The following NUP214 variants were observed in gnomAD, a reference collection of about 807,000 sequenced individuals.
NUP214 encodes the protein nucleoporin 214.
NUP214 carries 79 observed loss-of-function variants against 196.2 expected under a neutral mutation model. That is an observed-to-expected ratio of 0.40 (90% CI 0.34 to 0.49). The LOEUF is 0.49. NUP214 is among the 20% of genes least tolerant of loss of function. The pLI is 0.58. For missense variants in NUP214, 2,468 were observed against 2,539.0 expected (o/e 0.97, Z 0.60); for synonymous variants, 1,020 against 990.5 (o/e 1.03, Z -0.56).
chr9:131,126,893 AC>A (rs1249020961), intron 1 of NUP214: 1 of 152,198 alleles, frequency 6.6e-6, no homozygotes, highest in Non-Finnish European at 1.5e-5. Flanking sequence ...GTGGTGAGCC[AC>A]CTAATGGGGT....
At chr9:131,218,283 G>A (rs943391337) in intron 31 of NUP214, among the ~76,000 whole-genome samples, 1 of 152,192 alleles carries the variant, frequency 6.6e-6, no homozygotes, top group Admixed American at 6.5e-5. Context: ...GACAGGAATT[G>A]TTTTAACTCT....
chr9:131,230,783 A>G lies in NUP214; in HGVS notation c.6214+14A>G, dbSNP rs970677786. On this transcript the variant is annotated intron_variant, in intron 34 of 35. Transcript: ENST00000359428. ...CAGGCACAGGAGGTAAGCTGCCACAAGTTCTCCCCTCACAAGCAAAATGGG... is the reference window on the plus strand; with the variant it reads ...CAGGCACAGGAGGTAAGCTGCCACAGGTTCTCCCCTCACAAGCAAAATGGG... 7 of 1,610,572 alleles carry G rather than the reference A, an allele frequency of 4.3e-6. No homozygotes were observed. The Admixed American group carries it at 6.7e-5, about 15-fold the overall frequency.
chr9:131,162,980 G>A lies in NUP214; in HGVS notation c.2541-11G>A, dbSNP rs201758493. 6.2e-7 allele frequency: 1 copy of A among 1,613,282 alleles called. No individual in the cohort carries two copies. The highest frequency in any genetic ancestry group is 2.2e-5 in the East Asian group (1 of 44,836). ...ATTCATGTTTAATTCTTTTCTCATT[G>A]TTGTCAACAGGCACCTGCTTGTGCC... On this transcript the variant is annotated splice_polypyrimidine_tract_variant and intron_variant, in intron 18 of 35. Transcript: ENST00000359428.
chr9:131,179,144 C>T (rs1452745617), intron 24 of NUP214, among the ~76,000 whole-genome samples: 1 of 152,064 alleles, frequency 6.6e-6, no homozygotes, highest in Non-Finnish European at 1.5e-5. Flanking sequence ...GGACTACAGG[C>T]ACATGACACC....
chr9:131,184,013 CTT>C (rs1173322613), intron 24 of NUP214, among the ~76,000 whole-genome samples: 17 of 132,890 alleles, frequency 1.3e-4, no homozygotes, highest in African/African-American at 4.7e-4. Context: ...TTTTCTTTTT[CTT>C]TTTTCTTTTT....
intron 24 of NUP214, 95 bp downstream of exon 24, chr9:131,178,505 G>C: frequency 1.2e-6 from 1 of 864,154 alleles, no homozygotes; most frequent in Non-Finnish European, 1.9e-6. Flanking sequence ...TCACAGTCTG[G>C]TTTTCCTGCA....
intron 30 of NUP214, among the ~76,000 whole-genome samples, chr9:131,213,812 A>AAG (rs1554741021): frequency 1.3e-5 from 2 of 150,328 alleles, no homozygotes; most frequent in African/African-American, 4.9e-5. Flanking sequence ...GGGGAAAAAA[A>AAG]AGAGACTAGG....
chr9:131,159,716 G>A (rs1028159489), intron 18 of NUP214, among the ~76,000 whole-genome samples: 2 of 152,062 alleles, frequency 1.3e-5, no homozygotes, highest in South Asian at 2.1e-4. Context: ...AATTAGCCGG[G>A]CATGGTGGCA....
intron 29 of NUP214, among the ~76,000 whole-genome samples, chr9:131,201,266 A>C (rs556496394): frequency 4.8e-4 from 73 of 151,874 alleles, no homozygotes; most frequent in Non-Finnish European, 8.4e-4. Flanking sequence ...CAAGAGATCA[A>C]GACCATCCTG....
At chr9:131,156,885 C>G (rs948978238) in intron 17 of NUP214, among the ~76,000 whole-genome samples, 1 of 152,178 alleles carries the variant, frequency 6.6e-6, no homozygotes, top group African/African-American at 2.4e-5. Context: ...AATAAGATCT[C>G]TCTACAGATG....
chr9:131,223,737 T>TATTTTTTTATTTTTTTTTA (rs1443923476), intron 32 of NUP214, among the ~76,000 whole-genome samples: 1 of 37,546 alleles, frequency 2.7e-5, no homozygotes, highest in African/African-American at 7.4e-5. Flanking sequence ...ATTTTTTTTT[T>TATTTTTTTATTTTTTTTTA]TTTTTTTTTT....
chr9:131,195,282 A>G lies in NUP214; in HGVS notation c.3709A>G (p.Thr1237Ala). 1 of 1,613,070 alleles carries G rather than the reference A, an allele frequency of 6.2e-7. No homozygotes were observed. The highest frequency in any genetic ancestry group is 8.5e-7 in the Non-Finnish European group (1 of 1,179,064). ...IITPTPSSNFTAAQGATPSTK... is the reference protein window; with the variant it reads ...IITPTPSSNFAAAQGATPSTK... ...CACACCAACACCGTCTTCTAATTTC[A>G]CTGCTGCACAAGGTACAGACTCTGT... is the stretch of plus-strand genomic sequence containing the variant. Residue 1237 changes from threonine (T) to alanine (A), a missense_variant, in exon 28 of 36, where the codon ACT (threonine) becomes GCT (alanine). Thr to Ala is a moderately conservative substitution (Grantham distance 58). Transcript: ENST00000359428.
chr9:131,206,208 C>T (rs908763903), intron 30 of NUP214, among the ~76,000 whole-genome samples: 25 of 127,416 alleles, frequency 2.0e-4, no homozygotes, highest in African/African-American at 6.5e-4. Flanking sequence ...TGCAGTGATG[C>T]GATCTCCACT....
At chr9:131,194,994 C>G (rs201881918) in intron 27 of NUP214, among the ~76,000 whole-genome samples, 1 of 152,226 alleles carries the variant, frequency 6.6e-6, no homozygotes, top group Non-Finnish European at 1.5e-5. Context: ...CAGCCATCCC[C>G]CAATGGGCTC....
At chr9:131,132,023 T>C (rs754228855) in intron 5 of NUP214, among the ~76,000 whole-genome samples, 1 of 152,126 alleles carries the variant, frequency 6.6e-6, no homozygotes, top group Non-Finnish European at 1.5e-5. Flanking sequence ...GCATCAGTGC[T>C]AGTGGCGTTG....
At chr9:131,185,926 C>A (rs1193176052) in intron 24 of NUP214, among the ~76,000 whole-genome samples, 1 of 152,184 alleles carries the variant, frequency 6.6e-6, no homozygotes, top group Non-Finnish European at 1.5e-5. Context: ...CAATTGAATT[C>A]TGGCTGTAAA....
intron 1 of NUP214, chr9:131,126,190 G>C (rs1831343420): frequency 5.3e-6 from 1 of 188,550 alleles, no homozygotes; most frequent in African/African-American, 2.4e-5. Context: ...CAGTACTTCT[G>C]TAAGGTGATA....
At chr9:131,133,423 G>A (rs1239505440) in intron 7 of NUP214, among the ~76,000 whole-genome samples, 2 of 149,874 alleles carry the variant, frequency 1.3e-5, no homozygotes, top group Non-Finnish European at 3.0e-5. Flanking sequence ...TCCCACCTTA[G>A]CCTTCTGAGT....
At chr9:131,217,276 T>C (rs1219915985) in intron 31 of NUP214, among the ~76,000 whole-genome samples, 2 of 152,260 alleles carry the variant, frequency 1.3e-5, no homozygotes, top group South Asian at 2.1e-4. Flanking sequence ...ACATACCTTT[T>C]ACCTTGTGAA....
Sources: allele counts gnomAD v4.1 joint callset (sites outside exome capture counted in the v4.1 genomes callset), GRCh38; gene constraint gnomAD v4.1.1; transcripts MANE v1.5; gene names NCBI Gene and HGNC (gene_info 2026-07-23, HGNC 2026-07-21).